SRGAP2C: variants seen among roughly 807,000 people sequenced by gnomAD.
SRGAP2C encodes SLIT-ROBO Rho GTPase activating protein 2C.
Under a neutral mutation model 25.1 loss-of-function variants are expected in SRGAP2C, and 15 were observed. That is an observed-to-expected ratio of 0.60 (90% CI 0.40 to 0.92). SRGAP2C has a LOEUF of 0.92. SRGAP2C is among the 40% of genes least tolerant of loss of function. The pLI is 0.00. For missense variants in SRGAP2C, 144 were observed against 264.4 expected, an observed-to-expected ratio of 0.54 and a Z score of 3.16; for synonymous variants, 44 against 96.6, an observed-to-expected ratio of 0.46 and a Z score of 3.19.
At chr1:121,372,511 A>G (rs1384465852) in intron 5 of SRGAP2C, among the ~76,000 whole-genome samples, 1 of 131,680 alleles carries the variant, frequency 7.6e-6, no homozygotes, top group Admixed American at 7.9e-5. Flanking sequence ...CATACATGGA[A>G]CCAGTTTCTC....
intron 4 of SRGAP2C, among the ~76,000 whole-genome samples, chr1:121,327,295 G>A (rs1421493208): frequency 2.0e-5 from 3 of 146,680 alleles, no homozygotes; most frequent in African/African-American, 7.7e-5. Flanking sequence ...ATGGTGGCCT[G>A]TGCCTGTAGC....
At chr1:121,228,804 T>G (rs1655746524) in intron 2 of SRGAP2C, among the ~76,000 whole-genome samples, 5 of 150,896 alleles carry the variant, frequency 3.3e-5, no homozygotes, top group Admixed American at 3.3e-4. Flanking sequence ...CTCCTGACAG[T>G]ATCTGTCAAG....
intron 2 of SRGAP2C, among the ~76,000 whole-genome samples, chr1:121,209,711 G>T (rs1553323235): frequency 9.8e-6 from 1 of 101,644 alleles, no homozygotes; most frequent in African/African-American, 4.3e-5. Context: ...AGCTCACAAA[G>T]CACCAGATAC....
intron 2 of SRGAP2C, among the ~76,000 whole-genome samples, chr1:121,233,182 T>G (rs1655862670): frequency 7.8e-6 from 1 of 128,912 alleles, no homozygotes; most frequent in Non-Finnish European, 1.7e-5. Context: ...AGTCTTGCTC[T>G]GTCGCCCAGT....
chr1:121,378,072 C>T (rs587722965), intron 7 of SRGAP2C, among the ~76,000 whole-genome samples: 8,958 of 148,646 alleles, frequency 0.06, 368 homozygotes, highest in Non-Finnish European at 0.091. Flanking sequence ...AGAGCAGGAA[C>T]CAAGAGTTTT....
rs371033065 is a variant in SRGAP2C, at chr1:121,213,341, C to T, written c.67+25828C>T. Among the ~76,000 whole-genome samples the T allele has an allele frequency of 0.011, 1,691 of 149,114 alleles. 153 individuals carry two copies. The East Asian group carries it at 0.24, about 21-fold the overall frequency. ...GAGTACAGATGTAAGTCATCATGCC[C>T]GGCCTCGTTTCCTAATTTTAAAAAT... On this transcript the variant is annotated intron_variant, in intron 2 of 9. Transcript: ENST00000367123.
intron 2 of SRGAP2C, among the ~76,000 whole-genome samples, chr1:121,192,436 A>G (rs1449199580): frequency 6.6e-6 from 1 of 151,402 alleles, no homozygotes; most frequent in Non-Finnish European, 1.5e-5. Context: ...GAAGAAAATG[A>G]AACTCTTGGA....
chr1:121,191,995 A>G (rs1654694651), intron 2 of SRGAP2C, among the ~76,000 whole-genome samples: 1 of 151,468 alleles, frequency 6.6e-6, no homozygotes, highest in Non-Finnish European at 1.5e-5. Context: ...ATTTTGATAG[A>G]AAAAGTGCAG....
intron 4 of SRGAP2C, among the ~76,000 whole-genome samples, chr1:121,356,533 CT>C (rs1440626205): frequency 6.6e-6 from 1 of 151,070 alleles, no homozygotes; most frequent in Non-Finnish European, 1.5e-5. Context: ...GAGATTTGAG[CT>C]CTCGTGTTGC....
chr1:121,217,224 C>T (rs1299868310), intron 2 of SRGAP2C, among the ~76,000 whole-genome samples: 3 of 151,736 alleles, frequency 2.0e-5, no homozygotes, highest in Non-Finnish European at 4.4e-5. Context: ...TCCTCATCCT[C>T]TCATTGAGGA....
At chr1:121,206,289 C>T (rs1172631885) in intron 2 of SRGAP2C, among the ~76,000 whole-genome samples, 8 of 152,122 alleles carry the variant, frequency 5.3e-5, no homozygotes, top group African/African-American at 1.7e-4. Flanking sequence ...TTTCAACATT[C>T]CCAGCCTCCT....
chr1:121,355,480 GCTAA>G (rs1278414534), intron 4 of SRGAP2C, among the ~76,000 whole-genome samples: 1 of 90,006 alleles, frequency 1.1e-5, no homozygotes, highest in African/African-American at 4.3e-5. Flanking sequence ...ACTACGCCCG[GCTAA>G]CTTTTTTTTT....
chr1:121,191,140 C>G (rs1174244525), intron 2 of SRGAP2C, among the ~76,000 whole-genome samples: 1 of 151,682 alleles, frequency 6.6e-6, no homozygotes, highest in Non-Finnish European at 1.5e-5. Context: ...TAGCTCTTTC[C>G]AATTTACATT....
intron 4 of SRGAP2C, among the ~76,000 whole-genome samples, chr1:121,328,890 A>T (rs1167214669): frequency 2.8e-4 from 3 of 10,594 alleles, no homozygotes; most frequent in Non-Finnish European, 8.3e-4. Context: ...CTGTCTGTTT[A>T]AAAAAAAAAA....
Position 121,374,826 on chromosome 1 carries a change from C to T in SRGAP2C, c.703C>T (p.His235Tyr), listed in dbSNP as rs587685271. The change falls in exon 7 of 10, where the codon CAC becomes TAC. Residue 235 changes from histidine (H) to tyrosine (Y), a missense_variant and splice_region_variant. This residue lies in a region of SRGAP2C where 34 missense variants were observed against 23.0 expected (regional missense o/e 1.48). Transcript: ENST00000367123. ...VKKIEKMKEK[H>Y]QAKYTENKLK... The stretch of plus-strand genomic sequence containing the variant: ...AAGTGAACTTCTGTTTCCTTTTCAG[C>T]ACCAAGCCAAGTACACGGAGAATAA... 199 of 763,386 alleles carry T rather than the reference C, an allele frequency of 2.6e-4. No homozygotes were observed. Among genetic ancestry groups the T allele is most frequent in the African/African-American group, 5.0e-4 (29 of 58,366 alleles). 47.3% of individuals were successfully genotyped at this position (763,386 alleles called of 1,614,324 possible).
chr1:121,270,270 A>T (rs1450377057), intron 2 of SRGAP2C, among the ~76,000 whole-genome samples: 8 of 151,882 alleles, frequency 5.3e-5, no homozygotes, highest in Non-Finnish European at 1.0e-4. Context: ...ATTTTTTAAG[A>T]CATGGCTACT....
chr1:121,290,285 TCA>T (rs1657464025), intron 3 of SRGAP2C, among the ~76,000 whole-genome samples: 1 of 151,558 alleles, frequency 6.6e-6, no homozygotes, highest in South Asian at 2.1e-4. Context: ...ATTTAACAAA[TCA>T]CACAATTAGA....
intron 3 of SRGAP2C, among the ~76,000 whole-genome samples, chr1:121,286,236 T>C (rs1657362444): frequency 7.7e-6 from 1 of 129,894 alleles, no homozygotes; most frequent in Non-Finnish European, 1.6e-5. Context: ...TTGTCTATGT[T>C]CTTTTTATTA....
At chr1:121,278,081 A>T (rs1440663889) in intron 2 of SRGAP2C, among the ~76,000 whole-genome samples, 1 of 150,872 alleles carries the variant, frequency 6.6e-6, no homozygotes, top group African/African-American at 2.4e-5. Flanking sequence ...GCTGGGACTA[A>T]AGGCATGCAC....
Sources: allele counts gnomAD v4.1 joint callset (sites outside exome capture counted in the v4.1 genomes callset), GRCh38; gene constraint gnomAD v4.1.1; regional missense constraint gnomAD v4.1.1; transcripts MANE v1.5; gene names NCBI Gene and HGNC (gene_info 2026-07-23, HGNC 2026-07-21).